GFI1: variants seen among roughly 807,000 people sequenced by gnomAD.
The protein encoded by GFI1 is growth factor independent 1 transcriptional repressor.
GFI1 carries 15 observed loss-of-function variants against 39.2 expected under a neutral mutation model. That is an observed-to-expected ratio of 0.38 (90% CI 0.26 to 0.59). GFI1 has a LOEUF of 0.59. Ranked by LOEUF, GFI1 falls within the 20% of genes least tolerant of loss-of-function variation. The pLI is 0.62. For synonymous variants in GFI1, 239 were observed against 254.3 expected (o/e 0.94, Z 0.57); for missense variants, 475 against 574.0 (o/e 0.83, Z 1.76).
chr1:92,477,172 A>G (rs1023038817), intron 6 of GFI1, among the ~76,000 whole-genome samples: 3 of 152,348 alleles, frequency 2.0e-5, no homozygotes, highest in Admixed American at 6.5e-5. Flanking sequence ...CCTTGATAAG[A>G]AACCACCCAT....
chr1:92,483,873 C>T (rs541009178), intron 1 of GFI1: 3 of 343,250 alleles, frequency 8.7e-6, no homozygotes, highest in East Asian at 7.3e-5. Flanking sequence ...CAGCTCCTCC[C>T]CTTTCCTAGC....
At position 92,481,216 on chromosome 1, in the gene GFI1, G is replaced by A; in HGVS notation, c.299-128C>T. The A allele has an allele frequency of 3.6e-6, 3 of 835,558 alleles. No homozygotes were observed. Among genetic ancestry groups the A allele is most frequent in the Non-Finnish European group, 5.9e-6 (3 of 512,356 alleles). 51.8% of individuals were successfully genotyped at this position (835,558 alleles called of 1,614,324 possible). A position where few individuals can be genotyped will look rare whatever the true frequency, so the allele number is the denominator to read the frequency against. ...CCAGCGCTTGTAGAACACTGCGTGC[G>A]CCAGGTGCCAGGCTCGCCCCAGGGT... On this transcript the variant is annotated intron_variant, in intron 3 of 6. Transcript: ENST00000294702. This position sits in a 1 kb window ranked among gnomAD's most constrained non-coding sequence, Gnocchi z 4.3.
chr1:92,482,996 A>G lies in GFI1; in HGVS notation c.166T>C (p.Ser56Pro). 1 of 1,609,968 alleles carries G rather than the reference A, an allele frequency of 6.2e-7. No homozygotes were observed. The highest frequency in any genetic ancestry group is 8.5e-7 in the Non-Finnish European group (1 of 1,177,806). Residue 56 changes from serine (S) to proline (P), a missense_variant, in exon 3 of 7, where the codon TCC (serine) becomes CCC (proline). This residue lies in a region of GFI1 where 275 missense variants were observed against 275.8 expected (regional missense o/e 1.00). Transcript: ENST00000294702. The surrounding 1 kb of genome is among the most constrained non-coding windows in gnomAD (Gnocchi z 4.4). ...GCTTCGGTCAGCTGCGATTCGGGGG[A>G]CAAACGGTCCCGGGGCTCCGCCTTC... ...GAKAEPRDRL[S>P]PESQLTEAPD... is the part of the protein sequence containing the mutation.
chr1:92,483,119 T>C, intron 2 of GFI1, 73 bp from the exon 3 acceptor site: 1 of 1,365,930 alleles, frequency 7.3e-7, no homozygotes. Context: ...GCTCCCCCAA[T>C]CCCCCGACCA....
rs756930440 is a variant in GFI1, at chr1:92,482,856, G to A, written c.298+8C>T. ...CTCCCGCCCAAGAGGTTCCCAGTGG[G>A]TTCCTACCTGGAGACGCGGAGGGTG... On this transcript the variant is annotated splice_region_variant and intron_variant, in intron 3 of 6. Transcript: ENST00000294702. This position sits in a 1 kb window ranked among gnomAD's most constrained non-coding sequence, Gnocchi z 4.4. The A allele has an allele frequency of 8.7e-6, 14 of 1,612,408 alleles. No individual in the cohort carries two copies. The highest frequency in any genetic ancestry group is 1.7e-5 in the Admixed American group (1 of 59,998).
rs1337988180 is a variant in GFI1 at position 92,480,673 on chromosome 1, C to G, written c.714G>C (p.Lys238Asn). 6.3e-7 allele frequency: 1 copy of G among 1,596,306 alleles called. No individual in the cohort carries two copies. The highest frequency in any genetic ancestry group is 8.5e-7 in the Non-Finnish European group (1 of 1,177,982). ...GLHADKGAGV[K>N]VESELLCTRL... ...GGGTGCACAGCAGCTCCGACTCCACCTTGACGCCAGCGCCCTTGTCTGCGT... is the reference window on the plus strand; with the variant it reads ...GGGTGCACAGCAGCTCCGACTCCACGTTGACGCCAGCGCCCTTGTCTGCGT... Residue 238 changes from lysine to asparagine, a missense_variant, in exon 4 of 7, where the codon AAG (lysine) becomes AAC (asparagine). Coordinates refer to ENST00000294702, the MANE Select transcript of GFI1 (RefSeq NM_005263.5). The surrounding 1 kb of genome is among the most constrained non-coding windows in gnomAD (Gnocchi z 5.6).
At position 92,480,734 on chromosome 1, in the gene GFI1, G is replaced by C. The variant is rs1658195850; in HGVS notation, c.653C>G (p.Ala218Gly). The change falls in exon 4 of 7, where the codon GCG becomes GGG. Residue 218 changes from alanine (A) to glycine (G), a missense_variant. By Grantham distance (60) the Ala-to-Gly change is moderately conservative (BLOSUM62 0). Coordinates refer to ENST00000294702, the MANE Select transcript of GFI1 (RefSeq NM_005263.5). The surrounding 1 kb of genome is among the most constrained non-coding windows in gnomAD (Gnocchi z 5.6). ...AGLYERPTAA[A>G]GLLYPERGHG... ...GCCACGCTCGGGGTACAGCAAGCCC[G>C]CCGCTGCCGTGGGCCTCTCATACAG... 1 of 1,598,892 alleles carries C rather than the reference G, an allele frequency of 6.3e-7. No homozygotes were observed. Among genetic ancestry groups the C allele is most frequent in the South Asian group, 1.1e-5 (1 of 90,008 alleles).
intron 6 of GFI1, among the ~76,000 whole-genome samples, chr1:92,477,680 T>C (rs1658034367): frequency 6.6e-6 from 1 of 152,252 alleles, no homozygotes; most frequent in Non-Finnish European, 1.5e-5. Flanking sequence ...CTTTCTGAGT[T>C]TCAGGATGGT....
In GFI1 at chr1:92,480,852, C is replaced by T. The variant is rs1197316549; in HGVS notation, c.535G>A (p.Ala179Thr). ...GPKRAAGGAG[A>T]GAPGSCSAGA... ...GCGCTGCAGCTCCCTGGCGCCCCGG[C>T]CCCCGCGCCGCCGGCAGCCCGCTTC... Residue 179 changes from alanine to threonine, a missense_variant, in exon 4 of 7, where the codon GCC becomes ACC. Ala to Thr is a moderately conservative substitution (Grantham distance 58, BLOSUM62 0). Around this residue, in one of 4 missense-constraint regions of GFI1, gnomAD observed 275 missense variants for 275.8 expected, o/e 1.00. Transcript: ENST00000294702. This position sits in a 1 kb window ranked among gnomAD's most constrained non-coding sequence, Gnocchi z 5.6. The T allele has an allele frequency of 1.2e-5, 17 of 1,462,644 alleles. No homozygotes were observed. The highest frequency in any genetic ancestry group is 2.8e-5 in the South Asian group (2 of 71,390). 90.6% of individuals were successfully genotyped at this position (1,462,644 alleles called of 1,614,324 possible).
In GFI1 at chr1:92,475,314, G is replaced by T. The variant is rs996387691; in HGVS notation, c.*715C>A. 6.6e-6 allele frequency: 1 copy of T among 152,590 alleles called. No homozygotes were observed. Among genetic ancestry groups the T allele is most frequent in the South Asian group, 2.1e-4 (1 of 4,818 alleles). The allele number at this position is 152,590 out of a possible 1,614,324, so 9.5% of individuals were successfully genotyped here. A position where few individuals can be genotyped will look rare whatever the true frequency, so the allele number is the denominator to read the frequency against. On this transcript the variant is annotated 3_prime_UTR_variant, in exon 7 of 7. Coordinates refer to ENST00000294702, the MANE Select transcript of GFI1 (RefSeq NM_005263.5). ...TTGTGCTTTTACCTCCAGTGATGAG[G>T]TTTTCACAGCCCTACTGAAGGGAGG...
chr1:92,483,239 C>T, intron 2 of GFI1, 134 bp downstream of exon 2: 1 of 736,296 alleles, frequency 1.4e-6, no homozygotes, highest in African/African-American at 1.7e-5. Flanking sequence ...CCCGGAGGAA[C>T]CAGGACAGTA....
Position 92,481,773 on chromosome 1 carries a change from G to A in GFI1, c.299-685C>T, listed in dbSNP as rs1658266189. Reference sequence around the variant, plus strand: ...CCCATTCCTGTTACAGTTTGATGGAGGCGGGGAACCTGAATTTCTCAGAGA... The same window carrying A: ...CCCATTCCTGTTACAGTTTGATGGAAGCGGGGAACCTGAATTTCTCAGAGA... On this transcript the variant is annotated intron_variant, in intron 3 of 6. Coordinates refer to ENST00000294702, the MANE Select transcript of GFI1 (RefSeq NM_005263.5). The surrounding 1 kb of genome is among the most constrained non-coding windows in gnomAD (Gnocchi z 4.3). Among the ~76,000 whole-genome samples, 1 of 152,176 alleles carries A rather than the reference G, an allele frequency of 6.6e-6. No homozygotes were observed. Among genetic ancestry groups the A allele is most frequent in the Non-Finnish European group, 1.5e-5 (1 of 68,032 alleles).
At position 92,483,599 on chromosome 1, in the gene GFI1, G is replaced by A; in HGVS notation, c.-99-13C>T. The stretch of plus-strand genomic sequence containing the variant: ...GCCCGGAGGAGACCTGAGAGGGAAA[G>A]AAAACCAGGTGGAGACGTGGGTCAG... On this transcript the variant is annotated splice_polypyrimidine_tract_variant and intron_variant, in intron 1 of 6. Coordinates refer to ENST00000294702, the MANE Select transcript of GFI1 (RefSeq NM_005263.5). The A allele has an allele frequency of 1.4e-6, 1 of 725,916 alleles. No individual in the cohort carries two copies. The highest frequency in any genetic ancestry group is 1.5e-5 in the South Asian group (1 of 67,358). 45.0% of individuals were successfully genotyped at this position (725,916 alleles called of 1,614,324 possible).
rs752234811 is a variant in GFI1 at position 92,482,839 on chromosome 1, C to T, written c.298+25G>A. The stretch of plus-strand genomic sequence containing the variant: ...CTGCCGGGTCCCTGCAGCTCCCGCC[C>T]AAGAGGTTCCCAGTGGGTTCCTACC... On this transcript the variant is annotated intron_variant, in intron 3 of 6. Transcript: ENST00000294702. This position sits in a 1 kb window ranked among gnomAD's most constrained non-coding sequence, Gnocchi z 4.4. 4 of 1,603,744 alleles carry T rather than the reference C, an allele frequency of 2.5e-6. No individual in the cohort carries two copies. The highest frequency in any genetic ancestry group is 3.4e-6 in the Non-Finnish European group (4 of 1,170,782).
In GFI1 at chr1:92,482,827, G is replaced by A; in HGVS notation, c.298+37C>T. ...TCCCCCCCAGCACTGCCGGGTCCCTGCAGCTCCCGCCCAAGAGGTTCCCAG... is the reference window on the plus strand; with the variant it reads ...TCCCCCCCAGCACTGCCGGGTCCCTACAGCTCCCGCCCAAGAGGTTCCCAG... On this transcript the variant is annotated intron_variant, in intron 3 of 6. Transcript: ENST00000294702. This position sits in a 1 kb window ranked among gnomAD's most constrained non-coding sequence, Gnocchi z 4.4. 1 of 1,565,864 alleles carries A rather than the reference G, an allele frequency of 6.4e-7. No homozygotes were observed. Among genetic ancestry groups the A allele is most frequent in the Non-Finnish European group, 8.8e-7 (1 of 1,136,456 alleles).
rs1231997629 is a variant in GFI1, at chr1:92,480,848, C to T, written c.539G>A (p.Gly180Glu). The change falls in exon 4 of 7, where the codon GGG becomes GAG. Residue 180 changes from glycine (G) to glutamate (E), a missense_variant. Coordinates refer to ENST00000294702, the MANE Select transcript of GFI1 (RefSeq NM_005263.5). The surrounding 1 kb of genome is among the most constrained non-coding windows in gnomAD (Gnocchi z 5.6). Reference sequence around the variant, plus strand: ...CCCTGCGCTGCAGCTCCCTGGCGCCCCGGCCCCCGCGCCGCCGGCAGCCCG... The same window carrying T: ...CCCTGCGCTGCAGCTCCCTGGCGCCTCGGCCCCCGCGCCGCCGGCAGCCCG... ...PKRAAGGAGAGAPGSCSAGAG... is the reference protein window; with the variant it reads ...PKRAAGGAGAEAPGSCSAGAG... The T allele has an allele frequency of 7.5e-6, 11 of 1,471,648 alleles. No individual in the cohort carries two copies. The highest frequency in any genetic ancestry group is 9.9e-6 in the Non-Finnish European group (11 of 1,116,090). The allele number at this position is 1,471,648 out of a possible 1,614,324, so 91.2% of individuals were successfully genotyped here. A position where few individuals can be genotyped will look rare whatever the true frequency, so the allele number is the denominator to read the frequency against.
Position 92,473,729 on chromosome 1 carries a change from C to T in GFI1, c.*2300G>A, listed in dbSNP as rs1032543457. ...CCAGGCTGTCAAGCAATCTCTCTTC[C>T]CTTTGTGCTGTAGAGAGCAGAGCCA... On this transcript the variant is annotated 3_prime_UTR_variant, in exon 7 of 7. Coordinates refer to ENST00000294702, the MANE Select transcript of GFI1 (RefSeq NM_005263.5). Among the ~76,000 whole-genome samples the T allele has an allele frequency of 6.6e-6, 1 of 152,124 alleles. No individual in the cohort carries two copies. The highest frequency in any genetic ancestry group is 6.6e-5 in the Admixed American group (1 of 15,266).
chr1:92,480,854 C>A lies in GFI1; in HGVS notation c.533G>T (p.Gly178Val), dbSNP rs1329086426. ...YGPKRAAGGAGAGAPGSCSAG... is the reference protein window; with the variant it reads ...YGPKRAAGGAVAGAPGSCSAG... ...GCTGCAGCTCCCTGGCGCCCCGGCCCCCGCGCCGCCGGCAGCCCGCTTCGG... is the reference window on the plus strand; with the variant it reads ...GCTGCAGCTCCCTGGCGCCCCGGCCACCGCGCCGCCGGCAGCCCGCTTCGG... The change falls in exon 4 of 7, where the codon GGG becomes GTG. Residue 178 changes from glycine to valine, a missense_variant. Gly to Val is a moderately radical substitution (Grantham distance 109). Coordinates refer to ENST00000294702, the MANE Select transcript of GFI1 (RefSeq NM_005263.5). The surrounding 1 kb of genome is among the most constrained non-coding windows in gnomAD (Gnocchi z 5.6). The A allele has an allele frequency of 6.9e-7, 1 of 1,459,574 alleles. No homozygotes were observed. Among genetic ancestry groups the A allele is most frequent in the Non-Finnish European group, 9.0e-7 (1 of 1,111,134 alleles). 90.4% of individuals were successfully genotyped at this position (1,459,574 alleles called of 1,614,324 possible).
chr1:92,476,024 G>A lies in GFI1; in HGVS notation c.*5C>T, dbSNP rs1427774841. Reference sequence around the variant, plus strand: ...GTAGCTGCTGCTTGCAGCCAGCCAGGGTGCTCATTTGAGCCCATGCTGCGT... The same window carrying A: ...GTAGCTGCTGCTTGCAGCCAGCCAGAGTGCTCATTTGAGCCCATGCTGCGT... On this transcript the variant is annotated 3_prime_UTR_variant, in exon 7 of 7. Coordinates refer to ENST00000294702, the MANE Select transcript of GFI1 (RefSeq NM_005263.5). The A allele has an allele frequency of 6.2e-7, 1 of 1,613,608 alleles. No individual in the cohort carries two copies. The highest frequency in any genetic ancestry group is 2.2e-5 in the East Asian group (1 of 44,866).
Sources: gnomAD v4.1 joint callset for allele counts (sites outside exome capture counted in the v4.1 genomes callset) on GRCh38, gnomAD v4.1.1 for gene constraint, gnomAD v4.1.1 regional missense constraint, Gnocchi (gnomAD v3.1) non-coding constraint, MANE v1.5 for transcripts, NCBI Gene and HGNC (gene_info 2026-07-23, HGNC 2026-07-21) for gene names.